ITGA8: variants seen among roughly 807,000 people sequenced by gnomAD.
ITGA8 encodes the protein integrin subunit alpha 8.
In ITGA8, 91 loss-of-function variants were observed where a neutral mutation model predicts 142.3. That is an observed-to-expected ratio of 0.64 (90% CI 0.54 to 0.76). ITGA8 has a LOEUF of 0.76. Ranked by LOEUF, ITGA8 falls within the 30% of genes least tolerant of loss-of-function variation. ITGA8 has a pLI of 0.00. For synonymous variants in ITGA8, 505 were observed against 485.2 expected (o/e 1.04, Z -0.54); for missense variants, 1,406 against 1,327.7 (o/e 1.06, Z -0.92).
intron 8 of ITGA8, among the ~76,000 whole-genome samples, 170 bp downstream of exon 8, chr10:15,671,433 C>A (rs1182955580): frequency 6.6e-6 from 1 of 152,112 alleles, no homozygotes; most frequent in Non-Finnish European, 1.5e-5. Flanking sequence ...TTCTTTCAGA[C>A]TTAAAATGCT....
chr10:15,719,464 G>A, intron 1 of ITGA8, 99 bp downstream of exon 1: 1 of 1,121,796 alleles, frequency 8.9e-7, no homozygotes, highest in Non-Finnish European at 1.2e-6. Context: ...GGCAGGACGG[G>A]GATCCCAGGC....
intron 15 of ITGA8, among the ~76,000 whole-genome samples, chr10:15,610,498 T>A (rs1005540314): frequency 3.4e-5 from 2 of 59,304 alleles, no homozygotes; most frequent in African/African-American, 1.2e-4. Flanking sequence ...TAGGTCTGAT[T>A]GGAACAAAAA....
chr10:15,684,693 T>C (rs1361573969), intron 3 of ITGA8, among the ~76,000 whole-genome samples: 28 of 152,150 alleles, frequency 1.8e-4, no homozygotes, highest in Admixed American at 1.8e-3. Context: ...TTAAATTTTT[T>C]TTTTTTGCCC....
chr10:15,597,424 A>C, intron 20 of ITGA8, 125 bp from the exon 21 acceptor site: 1 of 699,876 alleles, frequency 1.4e-6, no homozygotes, highest in Non-Finnish European at 2.5e-6. Context: ...GTGCAAAAAA[A>C]GTAATTGATG....
At chr10:15,588,442 A>T (rs192492247) in intron 22 of ITGA8, among the ~76,000 whole-genome samples, 1 of 152,180 alleles carries the variant, frequency 6.6e-6, no homozygotes, top group Non-Finnish European at 1.5e-5. Context: ...CACATCTGGG[A>T]TCAGTCAACT....
intron 23 of ITGA8, among the ~76,000 whole-genome samples, chr10:15,578,699 G>T (rs1834344486): frequency 6.6e-6 from 1 of 152,020 alleles, no homozygotes; most frequent in Non-Finnish European, 1.5e-5. Flanking sequence ...GCTGTGGATG[G>T]TATCCTATGC....
At chr10:15,664,084 T>TA (rs1473368886) in intron 8 of ITGA8, among the ~76,000 whole-genome samples, 1 of 152,190 alleles carries the variant, frequency 6.6e-6, no homozygotes, top group Non-Finnish European at 1.5e-5. Context: ...TACACAGAGT[T>TA]AACTCACTGA....
intron 8 of ITGA8, among the ~76,000 whole-genome samples, chr10:15,670,716 A>C (rs1053992056): frequency 1.3e-5 from 2 of 152,136 alleles, no homozygotes; most frequent in African/African-American, 4.8e-5. Flanking sequence ...GCATGATTGC[A>C]TTATATTTAC....
At chr10:15,695,471 C>G (rs1190367389) in intron 2 of ITGA8, among the ~76,000 whole-genome samples, 1 of 152,156 alleles carries the variant, frequency 6.6e-6, no homozygotes, top group African/African-American at 2.4e-5. Flanking sequence ...TCTTATTTCT[C>G]TTTTCTAAGC....
chr10:15,607,397 G>A (rs1833214202), intron 17 of ITGA8, among the ~76,000 whole-genome samples: 1 of 152,114 alleles, frequency 6.6e-6, no homozygotes, highest in East Asian at 1.9e-4. Flanking sequence ...ATTTTGGGGA[G>A]GAGGTGGGTA....
At chr10:15,659,838 G>A (rs9333120) in intron 9 of ITGA8, among the ~76,000 whole-genome samples, 1 of 151,974 alleles carries the variant, frequency 6.6e-6, no homozygotes, top group East Asian at 1.9e-4. Flanking sequence ...ACAAGCCAAG[G>A]AATGCCAGGG....
At chr10:15,696,861 CAAAAAA>C (rs750418009) in intron 2 of ITGA8, among the ~76,000 whole-genome samples, 1 of 52,564 alleles carries the variant, frequency 1.9e-5, no homozygotes, top group African/African-American at 6.3e-5. Context: ...TAACTCTTAC[CAAAAAA>C]AAAAAAAAAA....
chr10:15,605,976 C>T (rs1490786760), intron 18 of ITGA8, among the ~76,000 whole-genome samples, 185 bp from the exon 19 acceptor site: 1 of 152,166 alleles, frequency 6.6e-6, no homozygotes, highest in Non-Finnish European at 1.5e-5. Context: ...ACATAATAGC[C>T]CAATTCCAAT....
chr10:15,692,696 T>A (rs1014160064), intron 2 of ITGA8, among the ~76,000 whole-genome samples: 5 of 152,206 alleles, frequency 3.3e-5, no homozygotes, highest in Admixed American at 2.6e-4. Context: ...GTACATACAC[T>A]TTGCAGATGT....
At chr10:15,690,981 G>A (rs1834923155) in intron 2 of ITGA8, among the ~76,000 whole-genome samples, 1 of 152,118 alleles carries the variant, frequency 6.6e-6, no homozygotes, top group African/African-American at 2.4e-5. Context: ...AAATACATAA[G>A]GAACTCAACA....
chr10:15,558,936 C>T (rs1054132520), intron 25 of ITGA8, among the ~76,000 whole-genome samples: 11 of 152,142 alleles, frequency 7.2e-5, no homozygotes, highest in African/African-American at 2.4e-4. Context: ...ATTTTAGACC[C>T]ACTGAATACA....
intron 23 of ITGA8, among the ~76,000 whole-genome samples, chr10:15,580,577 C>T (rs982663000): frequency 5.9e-5 from 9 of 152,108 alleles, no homozygotes; most frequent in Admixed American, 1.3e-4. Context: ...AAAGGATAAT[C>T]ATCAACACTA....
chr10:15,641,047 G>C (rs1405076717), intron 13 of ITGA8, among the ~76,000 whole-genome samples: 5 of 151,688 alleles, frequency 3.3e-5, no homozygotes, highest in Non-Finnish European at 7.4e-5. Context: ...AGCTACACAG[G>C]GTGGAGAAAA....
At chr10:15,668,929 C>G (rs998641849) in intron 8 of ITGA8, among the ~76,000 whole-genome samples, 7 of 152,222 alleles carry the variant, frequency 4.6e-5, no homozygotes, top group African/African-American at 1.7e-4. Flanking sequence ...GTAACCCGAC[C>G]TTTCTCTCTG....
Sources: gnomAD v4.1 joint callset for allele counts (sites outside exome capture counted in the v4.1 genomes callset) on GRCh38, gnomAD v4.1.1 for gene constraint, MANE v1.5 for transcripts, NCBI Gene and HGNC (gene_info 2026-07-23, HGNC 2026-07-21) for gene names.